The following WNT9B variants were observed in gnomAD, a reference collection of about 807,000 sequenced individuals.
The protein encoded by WNT9B is Wnt family member 9B, also known as protein Wnt-9b.
In WNT9B, 12 loss-of-function variants were observed where a neutral mutation model predicts 30.2. That is an observed-to-expected ratio of 0.40 (90% CI 0.26 to 0.64). The LOEUF is 0.64. Among genes scored for constraint, WNT9B ranks in the 30% least tolerant of loss-of-function variants. WNT9B has a pLI of 0.42. For synonymous variants in WNT9B, 218 were observed against 216.9 expected (o/e 1.01, Z -0.05); for missense variants, 442 against 485.2 (o/e 0.91, Z 0.84).
chr17:46,859,647 A>G (rs1369897272), intron 1 of WNT9B, among the ~76,000 whole-genome samples: 3 of 152,004 alleles, frequency 2.0e-5, no homozygotes, highest in African/African-American at 4.8e-5. Flanking sequence ...ACTGTGCACT[A>G]TTTTTTCGAA....
At chr17:46,841,829 G>A (rs758265678) in intron 1 of WNT9B, among the ~76,000 whole-genome samples, 5 of 152,260 alleles carry the variant, frequency 3.3e-5, no homozygotes, top group Non-Finnish European at 7.3e-5. Context: ...TGAGCTCCGC[G>A]TTTGCCGTGT....
chr17:46,882,880 T>C (rs2085441235), downstream of WNT9B, among the ~76,000 whole-genome samples: 1 of 152,044 alleles, frequency 6.6e-6, no homozygotes, highest in Non-Finnish European at 1.5e-5. Flanking sequence ...AGCACTCCAA[T>C]AGGTGGCTCT....
upstream of WNT9B, among the ~76,000 whole-genome samples, chr17:46,849,859 TTG>T (rs1336221920): frequency 4.0e-5 from 6 of 151,642 alleles, no homozygotes; most frequent in Admixed American, 6.6e-5. Context: ...CTTTTTTTTT[TTG>T]TTTTGAGATG....
upstream of WNT9B, among the ~76,000 whole-genome samples, chr17:46,850,667 C>T (rs989530953): frequency 3.3e-5 from 5 of 152,210 alleles, no homozygotes; most frequent in Admixed American, 3.3e-4. Flanking sequence ...TTGTATGTCT[C>T]CTTTCTAGAC....
intron 1 of WNT9B, among the ~76,000 whole-genome samples, chr17:46,834,701 G>A (rs953348887): frequency 6.6e-6 from 1 of 152,094 alleles, no homozygotes; most frequent in Non-Finnish European, 1.5e-5. Context: ...CCCATGCAGA[G>A]GAGCCAGTTT....
rs1315978775 is a variant in WNT9B, at chr17:46,875,372, C to T, written c.600+6C>T. 1 of 1,591,088 alleles carries T rather than the reference C, an allele frequency of 6.3e-7. No individual in the cohort carries two copies. On this transcript the variant is annotated splice_donor_region_variant and intron_variant, in intron 3 of 3. Coordinates refer to ENST00000290015, the MANE Select transcript of WNT9B (RefSeq NM_003396.3). ...ATACCCACGTGGGCATCAAGGTGAGCATGTCCCTGGCTGCCCGCAGTGCCT... is the reference window on the plus strand; with the variant it reads ...ATACCCACGTGGGCATCAAGGTGAGTATGTCCCTGGCTGCCCGCAGTGCCT...
At chr17:46,851,529 C>T, upstream of WNT9B, 1 of 504,104 alleles carries the variant, frequency 2.0e-6, no homozygotes, top group Middle Eastern at 6.1e-4. The surrounding 1 kb of genome is among the most constrained non-coding windows in gnomAD (Gnocchi z 4.3). Context: ...CCTTTCCCAG[C>T]GCCGCCTGCC....
At chr17:46,865,746 C>T (rs566823462) in intron 1 of WNT9B, among the ~76,000 whole-genome samples, 1 of 152,238 alleles carries the variant, frequency 6.6e-6, no homozygotes, top group South Asian at 2.1e-4. Flanking sequence ...GCTGGAACCA[C>T]AGGCACGTGC....
chr17:46,881,079 G>A (rs754282828), downstream of WNT9B, among the ~76,000 whole-genome samples: 3 of 152,164 alleles, frequency 2.0e-5, no homozygotes, highest in East Asian at 1.9e-4. Context: ...GGGAGGCCTC[G>A]CCCACCAGGA....
chr17:46,869,815 A>G (rs1385696129), intron 1 of WNT9B, among the ~76,000 whole-genome samples: 1 of 152,012 alleles, frequency 6.6e-6, no homozygotes, highest in Admixed American at 6.6e-5. Flanking sequence ...CCTGGCTAAC[A>G]TGGTGAAACC....
intron 1 of WNT9B, among the ~76,000 whole-genome samples, chr17:46,866,648 A>G (rs998743458): frequency 6.6e-6 from 1 of 152,026 alleles, no homozygotes; most frequent in African/African-American, 2.4e-5. Context: ...CGGGCAGCAC[A>G]AGGCTTTCCC....
At chr17:46,871,460 C>A (rs566682641) in intron 1 of WNT9B, among the ~76,000 whole-genome samples, 1 of 152,108 alleles carries the variant, frequency 6.6e-6, no homozygotes, top group Non-Finnish European at 1.5e-5. Context: ...CCTCGTAAAT[C>A]CTTTGTTTCC....
At chr17:46,883,277 CGGCCTTTTT>C (rs2085447583), downstream of WNT9B, among the ~76,000 whole-genome samples, 1 of 147,210 alleles carries the variant, frequency 6.8e-6, no homozygotes, top group African/African-American at 2.5e-5. Flanking sequence ...CTACTGCGCC[CGGCCTTTTT>C]TTTTTTTTCC....
At chr17:46,851,541 C>G, upstream of WNT9B, 1 of 599,088 alleles carries the variant, frequency 1.7e-6, no homozygotes, top group Non-Finnish European at 2.4e-6. This position sits in a 1 kb window ranked among gnomAD's most constrained non-coding sequence, Gnocchi z 4.3. Context: ...CCGCCTGCCC[C>G]GCCCCACCCG....
chr17:46,880,000 C>A lies in WNT9B; in HGVS notation c.*3282C>A, dbSNP rs1363445360. Among the ~76,000 whole-genome samples, 1 of 152,206 alleles carries A rather than the reference C, an allele frequency of 6.6e-6. No individual in the cohort carries two copies. The highest frequency in any genetic ancestry group is 1.5e-5 in the Non-Finnish European group (1 of 68,034). On this transcript the variant is annotated 3_prime_UTR_variant, in exon 4 of 4. Coordinates refer to ENST00000290015, the MANE Select transcript of WNT9B (RefSeq NM_003396.3). ...AACCTACAGATGAATTTTGATTGCT[C>A]TCATTTGTGTTTTGCTTGTAAAAAT... is the stretch of plus-strand genomic sequence containing the variant.
rs372193837 is a variant in WNT9B, at chr17:46,872,574, G to A, written c.135G>A (p.Pro45=). ...PFPGLGTAAA[P]AQGGAHLKQC... ...CAGGATTGGGCACTGCGGCAGCCCCGGCACAGGGCGGGGCCCACCTGAAGC... is the reference window on the plus strand; with the variant it reads ...CAGGATTGGGCACTGCGGCAGCCCCAGCACAGGGCGGGGCCCACCTGAAGC... The change falls in exon 2 of 4, where the codon CCG becomes CCA. Residue 45 remains proline, a synonymous_variant. Coordinates refer to ENST00000290015, the MANE Select transcript of WNT9B (RefSeq NM_003396.3). 982 of 1,600,106 alleles carry A rather than the reference G, an allele frequency of 6.1e-4. 17 individuals carry two copies. The South Asian group carries it at 0.01, about 17-fold the overall frequency.
chr17:46,839,684 T>TC (rs1360320883), intron 1 of WNT9B, among the ~76,000 whole-genome samples: 7 of 151,672 alleles, frequency 4.6e-5, no homozygotes, highest in African/African-American at 9.7e-5. Flanking sequence ...CCTCCCCCAG[T>TC]CCCCCCCGCC....
intron 1 of WNT9B, among the ~76,000 whole-genome samples, chr17:46,861,298 G>A (rs558124371): frequency 3.7e-4 from 57 of 152,254 alleles, no homozygotes; most frequent in Non-Finnish European, 7.5e-4. Context: ...CTTTAGTAGA[G>A]ACCTCGGGGC....
intron 3 of WNT9B, 23 bp downstream of exon 3, chr17:46,875,389 G>T (rs752559054): frequency 2.6e-6 from 4 of 1,566,960 alleles, no homozygotes; most frequent in Non-Finnish European, 3.5e-6. Flanking sequence ...CTGGCTGCCC[G>T]CAGTGCCTTC....
Sources: gnomAD v4.1 joint callset for allele counts (sites outside exome capture counted in the v4.1 genomes callset) on GRCh38, gnomAD v4.1.1 for gene constraint, Gnocchi (gnomAD v3.1) non-coding constraint, MANE v1.5 for transcripts, NCBI Gene and HGNC (gene_info 2026-07-23, HGNC 2026-07-21) for gene names.